The following CSMD3 variants were observed in gnomAD, a reference collection of about 807,000 sequenced individuals.
The protein encoded by CSMD3 is CUB and sushi domain-containing protein 3.
A neutral mutation model predicts 435.2 loss-of-function variants in CSMD3; 177 were observed. That is an observed-to-expected ratio of 0.41 (90% CI 0.36 to 0.46). CSMD3 has a LOEUF of 0.46. CSMD3 is among the 20% of genes least tolerant of loss of function. The pLI, the probability that CSMD3 is intolerant of heterozygous loss-of-function variation, is 0.34. For synonymous variants in CSMD3, 1,656 were observed against 1,520.5 expected (o/e 1.09, Z -2.07); for missense variants, 4,265 against 4,504.6 (o/e 0.95, Z 1.52).
intron 70 of CSMD3, among the ~76,000 whole-genome samples, chr8:112,225,710 G>C (rs943848869): frequency 6.6e-6 from 1 of 152,106 alleles, no homozygotes; most frequent in Non-Finnish European, 1.5e-5. Flanking sequence ...ATACATTAAA[G>C]CATGCAAATT....
At chr8:112,899,833 GGA>G (rs373458764) in intron 10 of CSMD3, among the ~76,000 whole-genome samples, 21 of 145,200 alleles carry the variant, frequency 1.4e-4, no homozygotes, top group Non-Finnish European at 1.7e-4. Flanking sequence ...GTATATATAT[GGA>G]GAGAGAGAGA....
intron 5 of CSMD3, among the ~76,000 whole-genome samples, chr8:113,064,186 A>G (rs576781616): frequency 6.6e-6 from 1 of 151,926 alleles, no homozygotes; most frequent in Non-Finnish European, 1.5e-5. Context: ...AAATCATTTC[A>G]GTGGTTTTAC....
At chr8:113,379,879 C>G (rs2094407696) in intron 1 of CSMD3, among the ~76,000 whole-genome samples, 1 of 152,142 alleles carries the variant, frequency 6.6e-6, no homozygotes, top group African/African-American at 2.4e-5. Flanking sequence ...AGAGTACACC[C>G]TTCCTGTTTA....
intron 47 of CSMD3, among the ~76,000 whole-genome samples, chr8:112,316,809 T>C (rs1822520509): frequency 6.6e-6 from 1 of 151,896 alleles, no homozygotes; most frequent in Non-Finnish European, 1.5e-5. Context: ...AACAAACTCT[T>C]TACAGAAAAC....
chr8:112,954,753 C>G lies in CSMD3; in HGVS notation c.1351G>C (p.Ala451Pro), dbSNP rs773630116. The G allele has an allele frequency of 1.0e-5, 16 of 1,556,164 alleles. No individual in the cohort carries two copies. In the African/African-American group the frequency reaches 1.6e-4, roughly 16 times the overall value. Reference protein sequence around the residue: ...LAVVTHRVKKAIDFKSRGFKL... With the variant: ...LAVVTHRVKKPIDFKSRGFKL... ...AATCCTCTAGATTTAAAATCTATGG[C>G]CTTTTTCACTAGTTAAGAAAACAAA... The change falls in exon 8 of 71, where the codon GCC becomes CCC. Residue 451 changes from alanine (A) to proline (P), a missense_variant. Around this residue, in one of 3 missense-constraint regions of CSMD3, gnomAD observed 731 missense variants for 755.4 expected, o/e 0.97. Coordinates refer to ENST00000297405, the MANE Select transcript of CSMD3 (RefSeq NM_198123.2).
chr8:113,302,013 C>A (rs1325625833), intron 2 of CSMD3, among the ~76,000 whole-genome samples: 1 of 151,122 alleles, frequency 6.6e-6, no homozygotes, highest in Non-Finnish European at 1.5e-5. Context: ...TGAAATAATT[C>A]AATAAATTTA....
chr8:112,226,600 C>T (rs1812579862), intron 70 of CSMD3, among the ~76,000 whole-genome samples: 1 of 152,082 alleles, frequency 6.6e-6, no homozygotes, highest in Admixed American at 6.6e-5. Context: ...TCAAAGAACA[C>T]TCTCAAGACA....
At chr8:112,394,544 A>G (rs1830710093) in intron 35 of CSMD3, among the ~76,000 whole-genome samples, 1 of 152,128 alleles carries the variant, frequency 6.6e-6, no homozygotes, top group South Asian at 2.1e-4. Context: ...ACTCTTTGCT[A>G]TCATTTACTG....
intron 9 of CSMD3, among the ~76,000 whole-genome samples, chr8:112,935,507 CT>C (rs916733055): frequency 2.6e-5 from 4 of 151,960 alleles, no homozygotes; most frequent in Non-Finnish European, 4.4e-5. Flanking sequence ...AGTATAGACA[CT>C]TTTTTCATGA....
At chr8:113,248,423 A>G (rs2093298620) in intron 3 of CSMD3, among the ~76,000 whole-genome samples, 2 of 137,632 alleles carry the variant, frequency 1.5e-5, no homozygotes, top group Admixed American at 1.5e-4. Flanking sequence ...TATTATATAT[A>G]ATATACATTT....
intron 10 of CSMD3, among the ~76,000 whole-genome samples, chr8:112,909,842 C>A (rs1441175746): frequency 2.6e-5 from 4 of 151,678 alleles, no homozygotes; most frequent in East Asian, 3.9e-4. Flanking sequence ...ATTTAACATG[C>A]AAATTTATAT....
intron 53 of CSMD3, among the ~76,000 whole-genome samples, chr8:112,296,497 C>T (rs190587210): frequency 9.9e-5 from 15 of 151,296 alleles, no homozygotes; most frequent in African/African-American, 3.1e-4. Flanking sequence ...TTGCAGTGAG[C>T]GCAGATCGCG....
At chr8:112,392,866 T>TTC (rs1554665797) in intron 35 of CSMD3, among the ~76,000 whole-genome samples, 2 of 124,664 alleles carry the variant, frequency 1.6e-5, no homozygotes, top group East Asian at 4.0e-4. Context: ...TTTTTTTTCT[T>TTC]TTTTTTTTTT....
chr8:113,025,710 C>T (rs1391485436), intron 5 of CSMD3, among the ~76,000 whole-genome samples: 1 of 151,940 alleles, frequency 6.6e-6, no homozygotes, highest in East Asian at 1.9e-4. Context: ...GTTGAGCTGT[C>T]AGGCACACAT....
intron 1 of CSMD3, among the ~76,000 whole-genome samples, chr8:113,434,804 G>T (rs962569130): frequency 6.6e-6 from 1 of 152,120 alleles, no homozygotes; most frequent in Non-Finnish European, 1.5e-5. Flanking sequence ...GCGGGCAGCC[G>T]GGGCTCTAAT....
At chr8:112,791,594 A>G (rs1698533580) in intron 13 of CSMD3, among the ~76,000 whole-genome samples, 1 of 152,052 alleles carries the variant, frequency 6.6e-6, no homozygotes, top group Non-Finnish European at 1.5e-5. Flanking sequence ...GTAGTATTCT[A>G]TTGTGTAGAC....
chr8:112,324,357 A>G (rs533792277), intron 45 of CSMD3, among the ~76,000 whole-genome samples: 194 of 152,126 alleles, frequency 1.3e-3, no homozygotes, highest in Non-Finnish European at 2.0e-3. Context: ...TGTATTTTGT[A>G]TTGTATTTGC....
intron 3 of CSMD3, among the ~76,000 whole-genome samples, chr8:113,190,758 A>G (rs1441381064): frequency 6.6e-6 from 1 of 151,680 alleles, no homozygotes; most frequent in Non-Finnish European, 1.5e-5. Flanking sequence ...TGAAACAGTG[A>G]ATGTTAACAT....
At chr8:113,281,302 A>G (rs751149556) in intron 2 of CSMD3, among the ~76,000 whole-genome samples, 1 of 151,734 alleles carries the variant, frequency 6.6e-6, no homozygotes, top group Non-Finnish European at 1.5e-5. Context: ...TGCTGTCTAT[A>G]TCATTTCTTA....
Sources: allele counts gnomAD v4.1 joint callset (sites outside exome capture counted in the v4.1 genomes callset), GRCh38; gene constraint gnomAD v4.1.1; regional missense constraint gnomAD v4.1.1; transcripts MANE v1.5; gene names NCBI Gene and HGNC (gene_info 2026-07-23, HGNC 2026-07-21).